The following CPEB3 variants were observed in gnomAD, a reference collection of about 807,000 sequenced individuals.
The protein encoded by CPEB3 is cytoplasmic polyadenylation element-binding protein 3.
A neutral mutation model predicts 67.2 loss-of-function variants in CPEB3; 20 were observed. The ratio of observed to expected loss-of-function variants is 0.30; its 90% CI spans 0.21 to 0.43. The LOEUF (loss-of-function observed/expected upper bound fraction) is 0.43, where lower values mean the gene tolerates loss of function less well. Ranked by LOEUF, CPEB3 falls within the 20% of genes least tolerant of loss-of-function variation. CPEB3 has a pLI of 1.00. For synonymous variants in CPEB3, 376 were observed against 393.1 expected, an observed-to-expected ratio of 0.96 and a Z score of 0.51; for missense variants, 746 against 968.6, an observed-to-expected ratio of 0.77 and a Z score of 3.05.
chr10:92,200,439 G>C (rs1042275807), intron 2 of CPEB3, among the ~76,000 whole-genome samples: 2 of 151,748 alleles, frequency 1.3e-5, no homozygotes, highest in South Asian at 2.1e-4. Context: ...CAGCTACTTG[G>C]GAGGCTGAGG....
chr10:92,150,954 T>A (rs1251981116), intron 4 of CPEB3, among the ~76,000 whole-genome samples: 1 of 152,228 alleles, frequency 6.6e-6, no homozygotes, highest in Non-Finnish European at 1.5e-5. Flanking sequence ...CCATTTGGCT[T>A]TCAACCAATG....
At chr10:92,193,499 C>T (rs1189982410) in intron 2 of CPEB3, among the ~76,000 whole-genome samples, 3 of 151,774 alleles carry the variant, frequency 2.0e-5, no homozygotes, top group South Asian at 2.1e-4. Context: ...GCTTTGTTGC[C>T]GAGGTTGAAG....
intron 4 of CPEB3, among the ~76,000 whole-genome samples, chr10:92,158,529 A>T (rs546817047): frequency 6.6e-6 from 1 of 151,894 alleles, no homozygotes; most frequent in African/African-American, 2.4e-5. Context: ...ACACACACAC[A>T]CTCTCTCTCT....
chr10:92,181,989 T>A (rs1479679981), intron 3 of CPEB3, among the ~76,000 whole-genome samples: 1 of 151,260 alleles, frequency 6.6e-6, no homozygotes, highest in Non-Finnish European at 1.5e-5. Context: ...TTTGAGAGAG[T>A]CTTATATGAA....
rs115931258 is a variant in CPEB3, at chr10:92,262,881, G to A, written c.-11-22520C>T. ...GTATCCCAGCGGGGAGCACAGCAGC[G>A]TGATTGTGGCTCACTGCAGTCTTGA... On this transcript the variant is annotated intron_variant, in intron 1 of 9. Transcript: ENST00000265997. Among the ~76,000 whole-genome samples the A allele has an allele frequency of 1.3e-3, 198 of 152,092 alleles. 1 individual carries two copies. Among genetic ancestry groups the A allele is most frequent in the African/African-American group, 4.7e-3 (194 of 41,500 alleles).
intron 8 of CPEB3, among the ~76,000 whole-genome samples, chr10:92,084,226 A>G (rs1306119089): frequency 6.6e-6 from 1 of 151,704 alleles, no homozygotes; most frequent in Non-Finnish European, 1.5e-5. Context: ...CAAACATTCC[A>G]TTACTTTGTG....
chr10:92,179,948 T>C (rs1414543861), intron 4 of CPEB3, among the ~76,000 whole-genome samples: 1 of 152,248 alleles, frequency 6.6e-6, no homozygotes, highest in African/African-American at 2.4e-5. Flanking sequence ...ATGTCTCCCA[T>C]GTGTATTGAG....
At chr10:92,169,926 T>A in intron 4 of CPEB3, among the ~76,000 whole-genome samples, 1 of 152,230 alleles carries the variant, frequency 6.6e-6, no homozygotes, top group East Asian at 1.9e-4. Flanking sequence ...AAGCTTCTCA[T>A]GAAGCATCCA....
At chr10:92,240,434 GTT>G in intron 1 of CPEB3, 73 bp from the exon 2 acceptor site, 1 of 1,362,404 alleles carries the variant, frequency 7.3e-7, no homozygotes, top group Non-Finnish European at 9.6e-7. Context: ...GCGGGCGGGT[GTT>G]TCACTTGCGA....
At chr10:92,262,119 A>T (rs777635567) in intron 1 of CPEB3, among the ~76,000 whole-genome samples, 3 of 152,212 alleles carry the variant, frequency 2.0e-5, no homozygotes, top group Non-Finnish European at 4.4e-5. Flanking sequence ...AGATATATGC[A>T]CCAAATGTCC....
chr10:92,183,509 T>A (rs1208740266), intron 3 of CPEB3, among the ~76,000 whole-genome samples: 1 of 152,218 alleles, frequency 6.6e-6, no homozygotes, highest in Non-Finnish European at 1.5e-5. Context: ...CGTTTTTGGA[T>A]AATCAAGACC....
chr10:92,077,258 A>T (rs1842971513), intron 9 of CPEB3, among the ~76,000 whole-genome samples: 1 of 152,232 alleles, frequency 6.6e-6, no homozygotes, highest in East Asian at 1.9e-4. Flanking sequence ...GAATGAACCT[A>T]AAAATGTACC....
At chr10:92,097,056 G>A (rs1463852336) in intron 7 of CPEB3, among the ~76,000 whole-genome samples, 1 of 152,128 alleles carries the variant, frequency 6.6e-6, no homozygotes, top group African/African-American at 2.4e-5. Context: ...ATGACCATAG[G>A]GTCAGACAGG....
At chr10:92,271,747 T>C (rs1853317115) in intron 1 of CPEB3, among the ~76,000 whole-genome samples, 1 of 152,200 alleles carries the variant, frequency 6.6e-6, no homozygotes, top group Non-Finnish European at 1.5e-5. Flanking sequence ...AAACAGCTAC[T>C]GTATTACCCC....
At chr10:92,229,978 G>A (rs1851186684) in intron 2 of CPEB3, among the ~76,000 whole-genome samples, 2 of 152,018 alleles carry the variant, frequency 1.3e-5, no homozygotes, top group Non-Finnish European at 2.9e-5. Flanking sequence ...CCCAGGAGGC[G>A]GAGGTTGCGG....
At chr10:92,255,813 T>C (rs1287981761) in intron 1 of CPEB3, among the ~76,000 whole-genome samples, 3 of 152,218 alleles carry the variant, frequency 2.0e-5, no homozygotes, top group Non-Finnish European at 2.9e-5. Context: ...TCTTTACTTA[T>C]CTCTTAATGT....
intron 6 of CPEB3, among the ~76,000 whole-genome samples, chr10:92,124,960 C>T (rs759984938): frequency 7.2e-5 from 11 of 152,258 alleles, no homozygotes; most frequent in Non-Finnish European, 1.2e-4. Flanking sequence ...CCTTAGCTAG[C>T]TGGCTTGTGT....
intron 3 of CPEB3, among the ~76,000 whole-genome samples, chr10:92,181,935 CATTA>C (rs1371451817): frequency 6.6e-6 from 1 of 151,528 alleles, no homozygotes; most frequent in Non-Finnish European, 1.5e-5. Context: ...ATGTTTTCTT[CATTA>C]ATTATTTGGG....
chr10:92,130,404 A>G (rs955277794), intron 6 of CPEB3, among the ~76,000 whole-genome samples: 1 of 152,046 alleles, frequency 6.6e-6, no homozygotes. Context: ...GAAAACAAAC[A>G]TTGTGACTTT....
Sources: allele counts gnomAD v4.1 joint callset (sites outside exome capture counted in the v4.1 genomes callset), GRCh38; gene constraint gnomAD v4.1.1; transcripts MANE v1.5; gene names NCBI Gene and HGNC (gene_info 2026-07-23, HGNC 2026-07-21).